The following CUX1 variants were observed in gnomAD, a reference collection of about 807,000 sequenced individuals.
The protein encoded by CUX1 is cut like homeobox 1.
A neutral mutation model predicts 158.8 loss-of-function variants in CUX1; 31 were observed. The ratio of observed to expected loss-of-function variants is 0.20; its 90% CI spans 0.15 to 0.26. The LOEUF (loss-of-function observed/expected upper bound fraction) is 0.26. Among genes scored for constraint, CUX1 ranks in the 10% least tolerant of loss-of-function variants. The pLI is 1.00. For synonymous variants in CUX1, 879 were observed against 862.1 expected, an observed-to-expected ratio of 1.02 and a Z score of -0.34; for missense variants, 1,589 against 2,014.6, an observed-to-expected ratio of 0.79 and a Z score of 4.04.
At chr7:101,840,595 G>A (rs184586111) in intron 1 of CUX1, among the ~76,000 whole-genome samples, 31 of 152,064 alleles carry the variant, frequency 2.0e-4, no homozygotes, top group African/African-American at 7.5e-4. Context: ...TCTTCCTCTT[G>A]TATTTTAAAA....
chr7:101,969,749 A>T (rs1436648872), intron 2 of CUX1, among the ~76,000 whole-genome samples: 2 of 152,174 alleles, frequency 1.3e-5, no homozygotes, highest in African/African-American at 4.8e-5. Flanking sequence ...TTTTAAGCAT[A>T]GTTTCTATCT....
chr7:101,925,986 AAG>A (rs1279991026), intron 2 of CUX1, among the ~76,000 whole-genome samples: 2 of 152,314 alleles, frequency 1.3e-5, no homozygotes, highest in East Asian at 3.9e-4. Flanking sequence ...TAAATTAAAA[AAG>A]AATTCCTCTC....
At chr7:102,261,149 T>C (rs1297619813), downstream of CUX1, among the ~76,000 whole-genome samples, 3 of 152,150 alleles carry the variant, frequency 2.0e-5, no homozygotes, top group African/African-American at 7.2e-5. Context: ...TAGGCAGGCA[T>C]TGCTGAAGTT....
At chr7:101,891,445 A>G (rs1416857598) in intron 1 of CUX1, among the ~76,000 whole-genome samples, 1 of 152,144 alleles carries the variant, frequency 6.6e-6, no homozygotes, top group Non-Finnish European at 1.5e-5. Flanking sequence ...GCTGGTCTCA[A>G]ACTCCTGGGC....
chr7:101,817,540 C>A, upstream of CUX1: 1 of 1,254,508 alleles, frequency 8.0e-7, no homozygotes, highest in East Asian at 3.3e-5. The surrounding 1 kb of genome is among the most constrained non-coding windows in gnomAD (Gnocchi z 4.1). Context: ...GCCTGCCTGC[C>A]ACCCCCCGCC....
Position 102,205,114 on chromosome 7 carries a change from T to C in CUX1, c.3074T>C (p.Val1025Ala), listed in dbSNP as rs782157923. 4.4e-6 allele frequency: 7 copies of C among 1,605,864 alleles called. No homozygotes were observed. The East Asian group carries it at 6.7e-5, about 15-fold the overall frequency. ...TAATTATAACCTTTTTCTACTTTAG[T>C]CCTCCACTCCGTGACATCGCTCCAG... is the stretch of plus-strand genomic sequence containing the variant. Reference protein sequence around the residue: ...LPVQGQQQGPVLHSVTSLQDP... With the variant: ...LPVQGQQQGPALHSVTSLQDP... Residue 1025 changes from valine (V) to alanine (A), a missense_variant and splice_region_variant, in exon 20 of 24, where the codon GTC (valine) becomes GCC (alanine). Coordinates refer to ENST00000292535, the MANE Select transcript of CUX1 (RefSeq NM_181552.4).
At chr7:101,844,717 G>A (rs908924587) in intron 1 of CUX1, among the ~76,000 whole-genome samples, 21 of 152,302 alleles carry the variant, frequency 1.4e-4, no homozygotes, top group African/African-American at 4.8e-4. Flanking sequence ...CCGGGTTCAA[G>A]TGATTCTTGT....
chr7:102,151,062 A>G (rs147441444), intron 8 of CUX1, among the ~76,000 whole-genome samples: 162 of 152,330 alleles, frequency 1.1e-3, no homozygotes, highest in Middle Eastern at 3.4e-3. Context: ...AGAGAATGAA[A>G]AATCTTTGGA....
At chr7:102,068,988 A>G (rs1825841616) in intron 3 of CUX1, among the ~76,000 whole-genome samples, 1 of 152,140 alleles carries the variant, frequency 6.6e-6, no homozygotes, top group Non-Finnish European at 1.5e-5. Context: ...AATCCTGGCC[A>G]CCATCGCAAA....
In CUX1 at chr7:102,104,436, G is replaced by A. The variant is rs1057299412; in HGVS notation, c.507G>A (p.Gln169=). 3 of 1,613,204 alleles carry A rather than the reference G, an allele frequency of 1.9e-6. No homozygotes were observed. Among genetic ancestry groups the A allele is most frequent in the East Asian group, 2.2e-5 (1 of 44,872 alleles). Residue 169 remains glutamine, a synonymous_variant, in exon 6 of 24, where the codon CAG becomes CAA. Transcript: ENST00000292535. ...CTCTTGAGAAGGAACAGAAGTTACA[G>A]AATGACTTTGCAGAAAAGGAGAGGT... is the stretch of plus-strand genomic sequence containing the variant. ...TIALEKEQKL[Q]NDFAEKERKL... is the part of the protein sequence containing the mutation.
intron 2 of CUX1, among the ~76,000 whole-genome samples, chr7:101,993,520 T>C (rs1776552963): frequency 6.6e-6 from 1 of 152,164 alleles, no homozygotes; most frequent in Non-Finnish European, 1.5e-5. Flanking sequence ...TTTCATTTCA[T>C]AGTATGTCGG....
intron 8 of CUX1, among the ~76,000 whole-genome samples, chr7:102,141,442 G>A (rs1834449381): frequency 6.6e-6 from 1 of 152,188 alleles, no homozygotes; most frequent in Non-Finnish European, 1.5e-5. Flanking sequence ...GGTGGAAGAA[G>A]GTTGAAGGAG....
chr7:102,232,541 C>T (rs566378013), intron 21 of CUX1, among the ~76,000 whole-genome samples: 19 of 152,228 alleles, frequency 1.2e-4, no homozygotes, highest in East Asian at 1.2e-3. Context: ...TGGGGTCAAA[C>T]GCTGGCCCCT....
At chr7:102,149,152 G>A (rs1554502876) in intron 8 of CUX1, among the ~76,000 whole-genome samples, 2 of 151,998 alleles carry the variant, frequency 1.3e-5, no homozygotes, top group Non-Finnish European at 2.9e-5. Context: ...TTACAAAATT[G>A]AACAGGCTTC....
chr7:102,086,969 T>C (rs1828012500), intron 4 of CUX1, among the ~76,000 whole-genome samples: 1 of 152,210 alleles, frequency 6.6e-6, no homozygotes. Flanking sequence ...TGGCTTTCTT[T>C]TGATGAGAGT....
intron 1 of CUX1, among the ~76,000 whole-genome samples, chr7:101,878,590 A>G (rs904344398): frequency 6.6e-6 from 1 of 152,130 alleles, no homozygotes; most frequent in Admixed American, 6.6e-5. Flanking sequence ...AAGCCTCAAA[A>G]CAGATCCTTT....
At chr7:101,979,719 G>A (rs943656528) in intron 2 of CUX1, among the ~76,000 whole-genome samples, 2 of 151,930 alleles carry the variant, frequency 1.3e-5, no homozygotes, top group Admixed American at 1.3e-4. Context: ...GCACAATGTC[G>A]GTTCACTGCA....
chr7:101,944,240 T>G (rs1028114528), intron 2 of CUX1, among the ~76,000 whole-genome samples: 7 of 152,236 alleles, frequency 4.6e-5, no homozygotes, highest in Non-Finnish European at 8.8e-5. Context: ...CCAAGAGTCC[T>G]GCAGGATGGA....
chr7:102,239,903 A>T (rs545131333), intron 23 of CUX1, among the ~76,000 whole-genome samples: 1 of 151,850 alleles, frequency 6.6e-6, no homozygotes, highest in Non-Finnish European at 1.5e-5. Flanking sequence ...TGCACCACCA[A>T]GCCCGGCTAA....
Sources: gnomAD v4.1 joint callset for allele counts (sites outside exome capture counted in the v4.1 genomes callset) on GRCh38, gnomAD v4.1.1 for gene constraint, Gnocchi (gnomAD v3.1) non-coding constraint, MANE v1.5 for transcripts, NCBI Gene and HGNC (gene_info 2026-07-23, HGNC 2026-07-21) for gene names.